The following MCMDC2 variants were observed in gnomAD, a reference collection of about 807,000 sequenced individuals.
The protein encoded by MCMDC2 is minichromosome maintenance domain-containing protein 2.
MCMDC2 carries 54 observed loss-of-function variants against 75.8 expected under a neutral mutation model. The observed-to-expected ratio is 0.71, with a 90% confidence interval of 0.57 to 0.89. The LOEUF is 0.89. Among genes scored for constraint, MCMDC2 ranks in the 40% least tolerant of loss-of-function variants. MCMDC2 has a pLI of 0.00. For synonymous variants in MCMDC2, 249 were observed against 274.6 expected (o/e 0.91, Z 0.92); for missense variants, 656 against 780.4 (o/e 0.84, Z 1.90).
At chr8:66,913,668 A>C (rs1813195966) in intron 14 of MCMDC2, among the ~76,000 whole-genome samples, 1 of 152,140 alleles carries the variant, frequency 6.6e-6, no homozygotes, top group African/African-American at 2.4e-5. Context: ...AATAGACATT[A>C]AAAAGTGAAC....
At chr8:66,875,239 C>T (rs1272456722) in intron 4 of MCMDC2, among the ~76,000 whole-genome samples, 1 of 152,026 alleles carries the variant, frequency 6.6e-6, no homozygotes, top group Non-Finnish European at 1.5e-5. Flanking sequence ...TATTTTATCC[C>T]TACATACTTT....
At chr8:66,914,304 A>C (rs1262107859) in intron 14 of MCMDC2, among the ~76,000 whole-genome samples, 2 of 145,504 alleles carry the variant, frequency 1.4e-5, no homozygotes, top group East Asian at 2.0e-4. Context: ...AAAAAAAAAA[A>C]CTAAAGACAC....
intron 14 of MCMDC2, among the ~76,000 whole-genome samples, chr8:66,914,294 A>C (rs962361463): frequency 3.3e-5 from 5 of 151,790 alleles, no homozygotes; most frequent in East Asian, 3.9e-4. Flanking sequence ...AAAAAAAAAA[A>C]AAAAAAAAAA....
rs956962242 is a variant in MCMDC2 at position 66,890,979 on chromosome 8, G to A, written c.1188G>A (p.Gln396=). The A allele has an allele frequency of 6.2e-7, 1 of 1,610,228 alleles. No individual in the cohort carries two copies. The highest frequency in any genetic ancestry group is 8.5e-7 in the Non-Finnish European group (1 of 1,179,224). The part of the protein sequence containing the change: ...NKYGTGAVSI[Q]AGSALLAKGG... ...ATGGAACTGGAGCAGTTAGCATTCA[G>A]GCTGGCAGTGCTTTGCTAGCTAAAG... Residue 396 remains glutamine, a synonymous_variant, in exon 10 of 15, where the codon CAG becomes CAA. Transcript: ENST00000422365.
chr8:66,901,523 G>T (rs1812659994), intron 13 of MCMDC2, 175 bp downstream of exon 13: 1 of 1,311,898 alleles, frequency 7.6e-7, no homozygotes, highest in Non-Finnish European at 9.7e-7. Flanking sequence ...GTTATATCAT[G>T]TTACATCATT....
rs1256237281 is a variant in MCMDC2 at position 66,896,923 on chromosome 8, G to A, written c.1590G>A (p.Ala530=). ...TTAATCCTGAAGGGCTGTTTTATGCGGCTTCTAGACAGTTCACAACTGAAG... is the reference window on the plus strand; with the variant it reads ...TTAATCCTGAAGGGCTGTTTTATGCAGCTTCTAGACAGTTCACAACTGAAG... The part of the protein sequence containing the change: ...KAINPEGLFY[A]ASRQFTTEDF... Residue 530 remains alanine, a synonymous_variant, in exon 12 of 15, where the codon GCG becomes GCA. Transcript: ENST00000422365. The A allele has an allele frequency of 5.6e-6, 9 of 1,611,222 alleles. No individual in the cohort carries two copies. The highest frequency in any genetic ancestry group is 4.5e-5 in the East Asian group (2 of 44,582).
At chr8:66,899,788 G>A (rs573457369) in intron 12 of MCMDC2, among the ~76,000 whole-genome samples, 2 of 151,720 alleles carry the variant, frequency 1.3e-5, no homozygotes, top group East Asian at 4.0e-4. Flanking sequence ...GAGCCACCGT[G>A]CCCAGCTGTC....
chr8:66,901,963 C>T (rs567481690), intron 13 of MCMDC2, among the ~76,000 whole-genome samples: 97 of 152,052 alleles, frequency 6.4e-4, no homozygotes, highest in Admixed American at 1.6e-3. Context: ...GTTGGTCAGG[C>T]GCGGTGGCTC....
chr8:66,897,632 A>ACTGT (rs1365902284), intron 12 of MCMDC2, among the ~76,000 whole-genome samples: 1 of 152,184 alleles, frequency 6.6e-6, no homozygotes, highest in Admixed American at 6.5e-5. Context: ...TCTGCATTTT[A>ACTGT]CTGTCTATTC....
rs1314543137 is a variant in MCMDC2 at position 66,905,349 on chromosome 8, T to G, written c.1879+14T>G. The G allele has an allele frequency of 6.9e-7, 1 of 1,445,646 alleles. No homozygotes were observed. Among genetic ancestry groups the G allele is most frequent in the South Asian group, 1.6e-5 (1 of 60,878 alleles). The allele number at this position is 1,445,646 out of a possible 1,614,324, so 89.6% of individuals were successfully genotyped here. ...CATTGAAATATGGTAATGAATTAAA[T>G]TATTAATGATCACTACAAATAACTT... On this transcript the variant is annotated intron_variant, in intron 14 of 14. Transcript: ENST00000422365.
At chr8:66,925,976 A>G (rs1393683464), downstream of MCMDC2, among the ~76,000 whole-genome samples, 5 of 151,940 alleles carry the variant, frequency 3.3e-5, no homozygotes, top group Non-Finnish European at 7.4e-5. Flanking sequence ...TGAAACCCCC[A>G]TCTCTACTAA....
chr8:66,916,470 G>A (rs1323165056), intron 14 of MCMDC2, among the ~76,000 whole-genome samples: 1 of 152,182 alleles, frequency 6.6e-6, no homozygotes, highest in Non-Finnish European at 1.5e-5. Flanking sequence ...CCAGGCAGGT[G>A]ATCGTTTGGA....
rs1248775819 is a variant in MCMDC2 at position 66,921,208 on chromosome 8, T to G, written c.*2039T>G. The G allele has an allele frequency of 6.6e-6, 1 of 152,156 alleles. No homozygotes were observed. Among genetic ancestry groups the G allele is most frequent in the Non-Finnish European group, 1.5e-5 (1 of 68,042 alleles). The allele number at this position is 152,156 out of a possible 1,614,324, so 9.4% of individuals were successfully genotyped here. ...ATTATGGGAGGTAATTCATTAATAT[T>G]AAATATGCCAACGGTATTTTAAAGG... On this transcript the variant is annotated 3_prime_UTR_variant, in exon 15 of 15. Transcript: ENST00000422365.
chr8:66,902,711 A>AAAAAATAT (rs1467425752), intron 13 of MCMDC2, among the ~76,000 whole-genome samples: 24 of 67,912 alleles, frequency 3.5e-4, no homozygotes, highest in East Asian at 3.0e-3. Flanking sequence ...AAAAAAAAAA[A>AAAAAATAT]ATATATATAT....
chr8:66,908,506 A>C (rs1812989753), intron 14 of MCMDC2, among the ~76,000 whole-genome samples: 1 of 152,236 alleles, frequency 6.6e-6, no homozygotes, highest in African/African-American at 2.4e-5. Flanking sequence ...ATCAATTGTT[A>C]AGATACAACT....
At chr8:66,896,620 A>T (rs563479136) in intron 11 of MCMDC2, among the ~76,000 whole-genome samples, 160 bp from the exon 12 acceptor site, 156 of 152,256 alleles carry the variant, frequency 1.0e-3, no homozygotes, top group African/African-American at 3.7e-3. Context: ...ATCACTAAAA[A>T]GTTCCCAGAT....
chr8:66,897,347 C>T (rs1400350866), intron 12 of MCMDC2, among the ~76,000 whole-genome samples: 1 of 148,442 alleles, frequency 6.7e-6, no homozygotes, highest in East Asian at 2.0e-4. Context: ...TTGGAGGTTG[C>T]AGTGAGCCGA....
chr8:66,894,521 T>C (rs1168195690), intron 10 of MCMDC2, among the ~76,000 whole-genome samples: 1 of 152,230 alleles, frequency 6.6e-6, no homozygotes, highest in Non-Finnish European at 1.5e-5. Flanking sequence ...AAAAATTGTT[T>C]TGTGCAGCAT....
intron 9 of MCMDC2, chr8:66,884,567 A>T (rs922159290): frequency 1.3e-5 from 2 of 151,834 alleles, no homozygotes; most frequent in African/African-American, 4.8e-5. Context: ...AAAGCAAAAA[A>T]TAAATTTACA....
Sources: allele counts gnomAD v4.1 joint callset (sites outside exome capture counted in the v4.1 genomes callset), GRCh38; gene constraint gnomAD v4.1.1; transcripts MANE v1.5; gene names NCBI Gene and HGNC (gene_info 2026-07-23, HGNC 2026-07-21).